CFAP410: variants seen among roughly 807,000 people sequenced by gnomAD.
CFAP410 encodes the protein cilia and flagella associated protein 410, also known as cilia- and flagella-associated protein 410.
In CFAP410, 27 loss-of-function variants were observed where a neutral mutation model predicts 25.7. The observed-to-expected ratio is 1.05, with a 90% confidence interval of 0.77 to 1.45. CFAP410 has a LOEUF of 1.45. CFAP410 is among the 40% of genes most tolerant of loss of function. CFAP410 has a pLI of 0.00. For synonymous variants in CFAP410, 178 were observed against 158.4 expected (o/e 1.12, Z -0.93); for missense variants, 428 against 354.1 (o/e 1.21, Z -1.67).
intron 3 of CFAP410, chr21:44,333,524 C>T: frequency 1.8e-6 from 1 of 570,238 alleles, no homozygotes; most frequent in Non-Finnish European, 3.1e-6. Context: ...CACATCAGCT[C>T]CTCAGGGCGC....
At position 44,330,317 on chromosome 21, in the gene CFAP410, T is replaced by G. The variant is rs1253809958; in HGVS notation, c.652A>C (p.Thr218Pro). The G allele has an allele frequency of 6.2e-7, 1 of 1,610,374 alleles. No individual in the cohort carries two copies. Among genetic ancestry groups the G allele is most frequent in the East Asian group, 2.2e-5 (1 of 44,814 alleles). The change falls in exon 7 of 7, where the codon ACT (threonine) becomes CCT (proline). Residue 218 changes from threonine (T) to proline (P), a missense_variant. Thr to Pro is a conservative substitution (Grantham distance 38). Transcript: ENST00000339818. ...TCCCGCAGCAGCAGCAGGATGGCAG[T>G]CAGGACGTTCTGAGGGCAGAGGGGT... ...SSSHRGRNVL[T>P]AILLLLRELD...
At position 44,331,991 on chromosome 21, in the gene CFAP410, GGGACAGCTCCTCCTCC is replaced by G. The variant is rs2047658370; in HGVS notation, c.381_396del (p.Glu128ValfsTer3). 5 of 1,606,092 alleles carry G rather than the reference GGGACAGCTCCTCCTCC, an allele frequency of 3.1e-6. No individual in the cohort carries two copies. Among genetic ancestry groups the G allele is most frequent in the Non-Finnish European group, 4.3e-6 (5 of 1,176,348 alleles). On this transcript the variant is annotated frameshift_variant, in exon 5 of 7. Coordinates refer to ENST00000339818, the MANE Select transcript of CFAP410 (RefSeq NM_004928.3). LOFTEE classifies it high-confidence loss of function. ...ATCTCCTCTCCCTCACTCAGTGCAC[GGGACAGCTCCTCCTCC>G]GTCACAGCTTTGGGATGAAAGACAG...
At position 44,339,119 on chromosome 21, in the gene CFAP410, A is replaced by G. The variant is rs2047818802; in HGVS notation, c.76T>C (p.Trp26Arg). 1 of 1,438,298 alleles carries G rather than the reference A, an allele frequency of 7.0e-7. No individual in the cohort carries two copies. The highest frequency in any genetic ancestry group is 9.2e-7 in the Non-Finnish European group (1 of 1,087,868). The allele number at this position is 1,438,298 out of a possible 1,614,324, so 89.1% of individuals were successfully genotyped here. A position where few individuals can be genotyped will look rare whatever the true frequency, so the allele number is the denominator to read the frequency against. The change falls in exon 1 of 7, where the codon TGG becomes CGG. Residue 26 changes from tryptophan (W) to arginine (R), a missense_variant and splice_region_variant. Trp to Arg is a moderately radical substitution (Grantham distance 101). Coordinates refer to ENST00000339818, the MANE Select transcript of CFAP410 (RefSeq NM_004928.3). The stretch of plus-strand genomic sequence containing the variant: ...GGCCGCGGCCAGGCCCCGCCTCACC[A>G]GCAGTTGAGCTTGCGCACGCTGTGC... ...ELHSVRKLNC[W>R]GSRLTDISIC...
chr21:44,338,768 C>G (rs2047803458), intron 1 of CFAP410: 2 of 133,540 alleles, frequency 1.5e-5, no homozygotes, highest in Non-Finnish European at 3.3e-5. Flanking sequence ...TCCGCCCCCG[C>G]CCCGCCCCGC....
rs760073135 is a variant in CFAP410 at position 44,333,143 on chromosome 21, C to G, written c.263G>C (p.Arg88Pro). Reference protein sequence around the residue: ...AELFYLKGLPRLRVLWLAENP... With the variant: ...AELFYLKGLPPLRVLWLAENP... ...CTCGGCCAGCCACAGCACCCGCAGA[C>G]GCGGCAGCCCCTTCAGGTAGAAGAG... The change falls in exon 4 of 7, where the codon CGT (arginine) becomes CCT (proline). Residue 88 changes from arginine (R) to proline (P), a missense_variant. Coordinates refer to ENST00000339818, the MANE Select transcript of CFAP410 (RefSeq NM_004928.3). The G allele has an allele frequency of 3.7e-6, 6 of 1,612,232 alleles. No homozygotes were observed. The Admixed American group carries it at 1.0e-4, about 27-fold the overall frequency.
At chr21:44,338,301 CG>C in intron 1 of CFAP410, 1 of 1,289,106 alleles carries the variant, frequency 7.8e-7, no homozygotes, top group Non-Finnish European at 1.0e-6. Flanking sequence ...CCCGCCTGCA[CG>C]GTGAGGCCAG....
In CFAP410 at chr21:44,330,796, CGCGGCCCCTA is replaced by C; in HGVS notation, c.642+17_642+26del. 2 of 1,566,854 alleles carry C rather than the reference CGCGGCCCCTA, an allele frequency of 1.3e-6. No homozygotes were observed. Among genetic ancestry groups the C allele is most frequent in the Non-Finnish European group, 1.7e-6 (2 of 1,156,444 alleles). On this transcript the variant is annotated intron_variant, in intron 6 of 6. Transcript: ENST00000339818. The stretch of plus-strand genomic sequence containing the variant: ...AGTGGGTGCAGTGGGCAGAGGCAGC[CGCGGCCCCTA>C]GCGGCCCGCCACTCACCCTGCCCCT...
At chr21:44,333,860 G>A (rs1195803058) in intron 3 of CFAP410, 7 of 353,514 alleles carry the variant, frequency 2.0e-5, no homozygotes, top group South Asian at 1.0e-4. Flanking sequence ...ACGCGGAGCC[G>A]CTCCCGCAGG....
At chr21:44,336,611 C>A (rs1387654448) in intron 2 of CFAP410, among the ~76,000 whole-genome samples, 1 of 152,110 alleles carries the variant, frequency 6.6e-6, no homozygotes, top group Non-Finnish European at 1.5e-5. Context: ...TGGTCAGATG[C>A]GTCCCATGTA....
chr21:44,338,216 T>C, intron 1 of CFAP410: 1 of 1,174,676 alleles, frequency 8.5e-7, no homozygotes, highest in Non-Finnish European at 1.1e-6. Context: ...GCTTTTTAAT[T>C]AACAGGGAAG....
chr21:44,334,521 C>CCCCTCAACCTCTGGGCGGACACGCGCA, intron 3 of CFAP410: 1 of 174,472 alleles, frequency 5.7e-6, no homozygotes, highest in Admixed American at 8.4e-5. Context: ...ACGCGCACCC[C>CCCCTCAACCTCTGGGCGGACACGCGCA]CCCCCCCCCC....
chr21:44,335,690 T>A (rs1461365343), intron 3 of CFAP410, 68 bp downstream of exon 3: 2 of 1,226,074 alleles, frequency 1.6e-6, no homozygotes, highest in Non-Finnish European at 2.4e-6. Flanking sequence ...TGGGTCCCAC[T>A]GGAGGGACGT....
intron 4 of CFAP410, 130 bp downstream of exon 4, chr21:44,332,903 A>G (rs1281100956): frequency 3.3e-5 from 22 of 658,816 alleles, no homozygotes; most frequent in East Asian, 2.7e-5. Context: ...TCTGGAGGAG[A>G]CTTCACAGGA....
intron 4 of CFAP410, 196 bp downstream of exon 4, chr21:44,332,837 G>A (rs1273600619): frequency 2.8e-5 from 17 of 600,574 alleles, no homozygotes; most frequent in African/African-American, 1.3e-4. Context: ...CCTACGCTGC[G>A]CTGCTGCATT....
At position 44,338,635 on chromosome 21, in the gene CFAP410, C is replaced by A. The variant is rs114583726; in HGVS notation, c.77+483G>T. On this transcript the variant is annotated intron_variant, in intron 1 of 6. Coordinates refer to ENST00000339818, the MANE Select transcript of CFAP410 (RefSeq NM_004928.3). ...CAGACAACAGACCCAGCCCACAGGGCACCCGGGGCAAAGGCGGGCCGGGAA... is the reference window on the plus strand; with the variant it reads ...CAGACAACAGACCCAGCCCACAGGGAACCCGGGGCAAAGGCGGGCCGGGAA... 1,481 of 175,372 alleles carry A rather than the reference C, an allele frequency of 8.4e-3. 32 individuals are homozygous for A. Among genetic ancestry groups the A allele is most frequent in the African/African-American group, 0.034 (1,386 of 40,866 alleles). The allele number at this position is 175,372 out of a possible 1,614,324, so 10.9% of individuals were successfully genotyped here.
chr21:44,338,831 GC>G (rs2047806812), intron 1 of CFAP410: 1 of 102,642 alleles, frequency 9.7e-6, no homozygotes, highest in Non-Finnish European at 2.0e-5. Context: ...CCTCCCTCCG[GC>G]TCCGCCCTCG....
At chr21:44,332,210 A>G in intron 4 of CFAP410, 196 bp from the exon 5 acceptor site, 1 of 532,992 alleles carries the variant, frequency 1.9e-6, no homozygotes, top group Non-Finnish European at 3.3e-6. Context: ...GCACAGGCTG[A>G]CACACAACAG....
Position 44,338,264 on chromosome 21 carries a change from A to C in CFAP410, c.78-597T>G, listed in dbSNP as rs1405344119. ...GCAGTCTGCGGACACCCCTGGGAGG[A>C]AGCGTCTGCTCTCGCTGACCCCCAC... On this transcript the variant is annotated intron_variant, in intron 1 of 6. Transcript: ENST00000339818. The C allele has an allele frequency of 5.8e-5, 74 of 1,282,386 alleles. 2 individuals carry two copies. In the Admixed American group the frequency reaches 1.7e-3, roughly 30 times the overall value. The allele number at this position is 1,282,386 out of a possible 1,614,324, so 79.4% of individuals were successfully genotyped here.
chr21:44,330,772 G>C lies in CFAP410; in HGVS notation c.642+51C>G, dbSNP rs765740480. On this transcript the variant is annotated intron_variant, in intron 6 of 6. Coordinates refer to ENST00000339818, the MANE Select transcript of CFAP410 (RefSeq NM_004928.3). ...GCTCCCTCCCCACGGTTTCTGTGCA[G>C]TGGGTGCAGTGGGCAGAGGCAGCCG... is the stretch of plus-strand genomic sequence containing the variant. 16 of 1,555,160 alleles carry C rather than the reference G, an allele frequency of 1.0e-5. No individual in the cohort carries two copies. The Admixed American group carries it at 3.1e-4, about 30-fold the overall frequency.
Sources: allele counts gnomAD v4.1 joint callset (sites outside exome capture counted in the v4.1 genomes callset), GRCh38; gene constraint gnomAD v4.1.1; transcripts MANE v1.5; gene names NCBI Gene and HGNC (gene_info 2026-07-23, HGNC 2026-07-21).